The following COPZ1 variants were observed in gnomAD, a reference collection of about 807,000 sequenced individuals.
COPZ1 encodes the protein coat protein complex I subunit zeta 1.
COPZ1 carries 4 observed loss-of-function variants against 31.7 expected under a neutral mutation model. That is an observed-to-expected ratio of 0.13 (90% CI 0.06 to 0.29). The LOEUF (loss-of-function observed/expected upper bound fraction) is 0.29, where lower values mean the gene tolerates loss of function less well. Among genes scored for constraint, COPZ1 ranks in the 10% least tolerant of loss-of-function variants. The pLI, the probability that COPZ1 is intolerant of heterozygous loss-of-function variation, is 1.00. For missense variants in COPZ1, 156 were observed against 211.5 expected, an observed-to-expected ratio of 0.74 and a Z score of 1.63; for synonymous variants, 74 against 79.0, an observed-to-expected ratio of 0.94 and a Z score of 0.33.
At chr12:54,347,915 G>C in intron 6 of COPZ1, 71 bp downstream of exon 6, 1 of 1,604,366 alleles carries the variant, frequency 6.2e-7, no homozygotes, top group Non-Finnish European at 8.5e-7. Context: ...AGTCAAGCAG[G>C]CTCAGTGGCC....
chr12:54,345,423 T>C (rs1308135327), intron 4 of COPZ1, 37 bp from the exon 5 acceptor site: 1 of 1,576,540 alleles, frequency 6.3e-7, no homozygotes, highest in East Asian at 2.2e-5. Flanking sequence ...TTCAGGGCCT[T>C]GAACCTTATC....
intron 2 of COPZ1, among the ~76,000 whole-genome samples, chr12:54,341,385 A>G (rs184315691): frequency 6.6e-6 from 1 of 152,214 alleles, no homozygotes; most frequent in African/African-American, 2.4e-5. Flanking sequence ...CTCTCCCTCC[A>G]TATTCTCCCC....
In COPZ1 at chr12:54,348,069, T is replaced by C; in HGVS notation, c.447+18T>C. The stretch of plus-strand genomic sequence containing the variant: ...CATTAAGGGTAAGCAAGAATGTGTT[T>C]CTTTGCATCCCCGCATCTATTCACA... On this transcript the variant is annotated intron_variant, in intron 7 of 8. Coordinates refer to ENST00000262061, the MANE Select transcript of COPZ1 (RefSeq NM_016057.3). 1 of 1,613,370 alleles carries C rather than the reference T, an allele frequency of 6.2e-7. No homozygotes were observed. Among genetic ancestry groups the C allele is most frequent in the Non-Finnish European group, 8.5e-7 (1 of 1,179,362 alleles).
intron 4 of COPZ1, 42 bp downstream of exon 4, chr12:54,343,358 T>C (rs758003709): frequency 1.0e-5 from 16 of 1,535,138 alleles, no homozygotes; most frequent in South Asian, 8.9e-5. Context: ...GATCCTACTT[T>C]CTAAACCACA....
Position 54,340,603 on chromosome 12 carries a change from A to G in COPZ1, c.75A>G (p.Arg25=), listed in dbSNP as rs1186222663. ...AILILDNDGD[R]LFAKYYDDTY... is the part of the protein sequence containing the mutation. Reference sequence around the variant, plus strand: ...TGATTCTGGACAATGATGGAGATCGACTTTTTGCCAAGGTGAGATTCCCTT... The same window carrying G: ...TGATTCTGGACAATGATGGAGATCGGCTTTTTGCCAAGGTGAGATTCCCTT... Residue 25 remains arginine (R), a synonymous_variant, in exon 2 of 9, where the codon CGA becomes CGG. Coordinates refer to ENST00000262061, the MANE Select transcript of COPZ1 (RefSeq NM_016057.3). The G allele has an allele frequency of 1.9e-6, 3 of 1,613,676 alleles. No homozygotes were observed. The highest frequency in any genetic ancestry group is 2.7e-5 in the African/African-American group (2 of 74,922).
At chr12:54,350,447 T>A in intron 8 of COPZ1, 29 bp from the exon 9 acceptor site, 2 of 1,610,056 alleles carry the variant, frequency 1.2e-6, no homozygotes, top group Non-Finnish European at 1.7e-6. Context: ...GTCAGCAAGC[T>A]TTCCTCAATG....
chr12:54,343,149 G>T, intron 3 of COPZ1, 76 bp from the exon 4 acceptor site: 1 of 1,157,136 alleles, frequency 8.6e-7, no homozygotes, highest in Non-Finnish European at 1.3e-6. Context: ...GAGCCACTGC[G>T]CCTGGCTGGT....
chr12:54,329,231 C>T (rs1332805271), intron 1 of COPZ1, among the ~76,000 whole-genome samples: 2 of 152,064 alleles, frequency 1.3e-5, no homozygotes, highest in Non-Finnish European at 2.9e-5. Context: ...TCACCATTCT[C>T]CATTAATAAC....
chr12:54,343,170 T>C, intron 3 of COPZ1, 55 bp from the exon 4 acceptor site: 1 of 1,408,444 alleles, frequency 7.1e-7, no homozygotes, highest in Non-Finnish European at 1.0e-6. Context: ...AACTCCTTCT[T>C]TCCTACTTCC....
chr12:54,325,957 T>G (rs1953627019), intron 1 of COPZ1, among the ~76,000 whole-genome samples: 1 of 151,430 alleles, frequency 6.6e-6, no homozygotes, highest in Admixed American at 6.6e-5. Flanking sequence ...TAGTTGGGAC[T>G]ATAGGCGCGT....
intron 8 of COPZ1, chr12:54,350,111 G>C: frequency 1.6e-6 from 1 of 620,312 alleles, no homozygotes; most frequent in Admixed American, 2.7e-5. Flanking sequence ...GATGTAGGGG[G>C]AAGGGAGGGG....
At chr12:54,342,639 A>C in intron 3 of COPZ1, 1 of 271,452 alleles carries the variant, frequency 3.7e-6, no homozygotes, top group South Asian at 4.5e-5. Context: ...ATCGACTAGT[A>C]TCCTGTCTCA....
chr12:54,328,105 T>C (rs1953686748), intron 1 of COPZ1, among the ~76,000 whole-genome samples: 1 of 150,262 alleles, frequency 6.7e-6, no homozygotes, highest in Non-Finnish European at 1.5e-5. Context: ...AAACCATGTC[T>C]CTACTAAAAA....
At chr12:54,337,398 C>T (rs1183824607) in intron 1 of COPZ1, 3 of 464,598 alleles carry the variant, frequency 6.5e-6, no homozygotes, top group African/African-American at 2.0e-5. Context: ...AGGTCTTTCT[C>T]AACAGTCAGC....
At chr12:54,339,978 TGC>T (rs1259039436) in intron 1 of COPZ1, among the ~76,000 whole-genome samples, 43 of 125,790 alleles carry the variant, frequency 3.4e-4, no homozygotes, top group Admixed American at 3.4e-3. Flanking sequence ...GGTGTGCCTG[TGC>T]GTGTGTGTGT....
At chr12:54,340,495 A>G (rs756633649) in intron 1 of COPZ1, 52 bp from the exon 2 acceptor site, 32 of 1,610,146 alleles carry the variant, frequency 2.0e-5, no homozygotes, top group Non-Finnish European at 2.4e-5. Flanking sequence ...TATCTGGTTT[A>G]CCAGTGGTGA....
intron 7 of COPZ1, among the ~76,000 whole-genome samples, chr12:54,348,827 C>T (rs1019760854): frequency 6.6e-5 from 10 of 152,144 alleles, no homozygotes; most frequent in African/African-American, 2.2e-4. Flanking sequence ...TTGCCAGAAC[C>T]TCAGTCCTCT....
Position 54,349,649 on chromosome 12 carries a change from C to A in COPZ1, c.477C>A (p.Thr159=), listed in dbSNP as rs115975751. Reference sequence around the variant, plus strand: ...AAGATGTCCCCCTTACGGAGCAGACCGTGTCTCAGGTATGACTCTCCCTTC... The same window carrying A: ...AAGATGTCCCCCTTACGGAGCAGACAGTGTCTCAGGTATGACTCTCCCTTC... ...RGEDVPLTEQ[T]VSQVLQSAKE... is the part of the protein sequence containing the mutation. The change falls in exon 8 of 9, where the codon ACC becomes ACA. Residue 159 remains threonine (T), a synonymous_variant. Coordinates refer to ENST00000262061, the MANE Select transcript of COPZ1 (RefSeq NM_016057.3). The A allele has an allele frequency of 2.7e-4, 442 of 1,612,518 alleles. No homozygotes were observed. In the African/African-American group the frequency reaches 4.7e-3, roughly 17 times the overall value.
intron 2 of COPZ1, among the ~76,000 whole-genome samples, 189 bp from the exon 3 acceptor site, chr12:54,342,017 A>G (rs938059352): frequency 6.6e-6 from 1 of 152,010 alleles, no homozygotes; most frequent in Non-Finnish European, 1.5e-5. Flanking sequence ...AGGGTCTTTT[A>G]TTTATTTTTC....
Sources: gnomAD v4.1 joint callset for allele counts (sites outside exome capture counted in the v4.1 genomes callset) on GRCh38, gnomAD v4.1.1 for gene constraint, MANE v1.5 for transcripts, NCBI Gene and HGNC (gene_info 2026-07-23, HGNC 2026-07-21) for gene names.